The following TBC1D9 variants were observed in gnomAD, a reference collection of about 807,000 sequenced individuals.
The protein encoded by TBC1D9 is TBC1 domain family member 9A.
In TBC1D9, 63 loss-of-function variants were observed where a neutral mutation model predicts 132.0. The ratio of observed to expected loss-of-function variants is 0.48; its 90% CI spans 0.39 to 0.59. The LOEUF is 0.59. TBC1D9 is among the 20% of genes least tolerant of loss of function. TBC1D9 has a pLI of 0.00. For synonymous variants in TBC1D9, 610 were observed against 609.9 expected (o/e 1.00, Z 0.00); for missense variants, 1,261 against 1,592.7 (o/e 0.79, Z 3.54).
At chr4:140,724,952 G>C (rs938927917) in intron 1 of TBC1D9, among the ~76,000 whole-genome samples, 9 of 152,148 alleles carry the variant, frequency 5.9e-5, no homozygotes. Flanking sequence ...CCTCACACAT[G>C]GTTTGTGAGC....
At chr4:140,661,232 A>C (rs1051845989) in intron 10 of TBC1D9, among the ~76,000 whole-genome samples, 43 of 152,268 alleles carry the variant, frequency 2.8e-4, no homozygotes, top group African/African-American at 9.6e-4. Flanking sequence ...CTTTGATTCT[A>C]AGGTCACGTT....
At chr4:140,656,347 A>G (rs1737272280) in intron 13 of TBC1D9, among the ~76,000 whole-genome samples, 4 of 152,298 alleles carry the variant, frequency 2.6e-5, no homozygotes, top group Non-Finnish European at 2.9e-5. Context: ...GACCCAGGGA[A>G]AGCAAAATAA....
At chr4:140,643,692 C>A in intron 13 of TBC1D9, 1 of 1,192,638 alleles carries the variant, frequency 8.4e-7, no homozygotes. Context: ...CAGCTGCACC[C>A]CCAGGTCCAA....
At chr4:140,687,370 A>G (rs978555048) in intron 2 of TBC1D9, among the ~76,000 whole-genome samples, 6,792 of 83,418 alleles carry the variant, frequency 0.081, 1,022 homozygotes, top group African/African-American at 0.24. Flanking sequence ...ATATATATAT[A>G]TATATATATA....
chr4:140,728,309 T>C (rs773207781), intron 1 of TBC1D9, among the ~76,000 whole-genome samples: 2 of 152,148 alleles, frequency 1.3e-5, no homozygotes, highest in Non-Finnish European at 2.9e-5. Flanking sequence ...TCAGGAATGT[T>C]GGCCATAATC....
intron 16 of TBC1D9, among the ~76,000 whole-genome samples, chr4:140,630,609 C>T (rs542659796): frequency 7.9e-5 from 12 of 152,302 alleles, no homozygotes; most frequent in South Asian, 2.1e-4. Flanking sequence ...GTTTTCTTCC[C>T]ACCCAAGAAA....
intron 1 of TBC1D9, among the ~76,000 whole-genome samples, chr4:140,754,166 G>T (rs1172545271): frequency 1.3e-5 from 2 of 152,162 alleles, no homozygotes; most frequent in African/African-American, 4.8e-5. Context: ...AGAAAAAGAA[G>T]GCTCTGAATC....
intron 2 of TBC1D9, among the ~76,000 whole-genome samples, chr4:140,694,800 AG>A (rs1737929028): frequency 2.0e-5 from 3 of 150,988 alleles, no homozygotes; most frequent in Non-Finnish European, 2.9e-5. Context: ...AAAGTCTGAA[AG>A]TGATGATTTG....
chr4:140,751,319 C>T (rs1738920070), intron 1 of TBC1D9, among the ~76,000 whole-genome samples: 1 of 152,132 alleles, frequency 6.6e-6, no homozygotes, highest in African/African-American at 2.4e-5. Flanking sequence ...CGTAGCTCTA[C>T]AGAACAGTGA....
intron 13 of TBC1D9, among the ~76,000 whole-genome samples, chr4:140,655,814 C>A (rs1737258668): frequency 6.6e-6 from 1 of 152,128 alleles, no homozygotes; most frequent in African/African-American, 2.4e-5. Flanking sequence ...CTACTCTGGG[C>A]TATACAGGCT....
At position 140,714,932 on chromosome 4, in the gene TBC1D9, G is replaced by A. The variant is rs572012347; in HGVS notation, c.131-13318C>T. ...GTTTGAGCCCAGGAGACCAGCTCGG[G>A]CAACACAGTGAGATCCTGTCTCTAC... On this transcript the variant is annotated intron_variant, in intron 1 of 20. Transcript: ENST00000442267. Among the ~76,000 whole-genome samples the A allele has an allele frequency of 7.9e-5, 12 of 152,168 alleles. No homozygotes were observed. In the South Asian group the frequency reaches 2.5e-3, roughly 32 times the overall value.
chr4:140,679,712 G>GT lies in TBC1D9; in HGVS notation c.491dup (p.Tyr164Ter). Reference sequence around the variant, plus strand: ...CCTTCCCCTTCCAATAGCTGCAAGAGTAATAGTTGACGAGTTTCTCTTCCT... The same window carrying GT: ...CCTTCCCCTTCCAATAGCTGCAAGAGTTAATAGTTGACGAGTTTCTCTTCCT... ...MPEEEKLVNY[Y>*]SCSYWKGKVP... Residue 164 changes from tyrosine to a stop codon, truncating the protein, a stop_gained and frameshift_variant, in exon 4 of 21, where the codon TAC (tyrosine) becomes TAAC (stop). Transcript: ENST00000442267. LOFTEE classifies it high-confidence loss of function. The GT allele has an allele frequency of 1.2e-6, 2 of 1,613,832 alleles. No individual in the cohort carries two copies. Among genetic ancestry groups the GT allele is most frequent in the Non-Finnish European group, 1.7e-6 (2 of 1,179,818 alleles).
chr4:140,709,792 C>T (rs185818954), intron 1 of TBC1D9, among the ~76,000 whole-genome samples: 1 of 152,276 alleles, frequency 6.6e-6, no homozygotes, highest in East Asian at 1.9e-4. Flanking sequence ...ATTAGATTGT[C>T]TTAAGGAGCT....
chr4:140,691,972 C>T (rs1254577375), intron 2 of TBC1D9, among the ~76,000 whole-genome samples: 1 of 152,170 alleles, frequency 6.6e-6, no homozygotes, highest in African/African-American at 2.4e-5. Context: ...AGGTTTAAGG[C>T]TCCACTGATA....
intron 1 of TBC1D9, among the ~76,000 whole-genome samples, chr4:140,716,440 T>C (rs906421562): frequency 1.3e-5 from 2 of 152,078 alleles, no homozygotes; most frequent in South Asian, 2.1e-4. Flanking sequence ...CAGAGAGCCA[T>C]GATCGTGCCC....
At chr4:140,642,198 G>A in intron 13 of TBC1D9, 1 of 750,348 alleles carries the variant, frequency 1.3e-6, no homozygotes, top group Non-Finnish European at 2.4e-6. Context: ...AGCCGGAGGG[G>A]CCTTGGGCGG....
At chr4:140,742,531 CAAAAAA>C (rs35891616) in intron 1 of TBC1D9, among the ~76,000 whole-genome samples, 1 of 63,446 alleles carries the variant, frequency 1.6e-5, no homozygotes, top group African/African-American at 6.2e-5. Context: ...GACTCTGTCT[CAAAAAA>C]AAAAAAAAAA....
chr4:140,674,427 T>A (rs1255598772), intron 6 of TBC1D9, among the ~76,000 whole-genome samples: 1 of 152,090 alleles, frequency 6.6e-6, no homozygotes, highest in African/African-American at 2.4e-5. Context: ...ATACATATAT[T>A]TGAGAGAAAA....
At chr4:140,729,981 G>A (rs1428897757) in intron 1 of TBC1D9, among the ~76,000 whole-genome samples, 1 of 152,066 alleles carries the variant, frequency 6.6e-6, no homozygotes, top group Non-Finnish European at 1.5e-5. Flanking sequence ...GTATTTTGTT[G>A]TGGCTTCTGC....
Sources: allele counts gnomAD v4.1 joint callset (sites outside exome capture counted in the v4.1 genomes callset), GRCh38; gene constraint gnomAD v4.1.1; transcripts MANE v1.5; gene names NCBI Gene and HGNC (gene_info 2026-07-23, HGNC 2026-07-21).